Variants in BCL2L13 observed in about 807,000 individuals in gnomAD.
BCL2L13 encodes the protein BCL2 like 13, also known as bcl-2-like protein 13.
Under a neutral mutation model 25.8 loss-of-function variants are expected in BCL2L13, and 13 were observed. The ratio of observed to expected loss-of-function variants is 0.50; its 90% CI spans 0.33 to 0.80. The LOEUF is 0.80. BCL2L13 is among the 30% of genes least tolerant of loss of function. BCL2L13 has a pLI of 0.02. For synonymous variants in BCL2L13, 244 were observed against 230.3 expected (o/e 1.06, Z -0.54); for missense variants, 504 against 574.9 (o/e 0.88, Z 1.26).
At chr22:17,697,924 G>C (rs2060312292) in intron 5 of BCL2L13, among the ~76,000 whole-genome samples, 1 of 152,002 alleles carries the variant, frequency 6.6e-6, no homozygotes, top group Non-Finnish European at 1.5e-5. Flanking sequence ...CGCCTCCCAG[G>C]TTCAAGCGAT....
chr22:17,642,569 A>G (rs2039596475), intron 1 of BCL2L13, among the ~76,000 whole-genome samples: 1 of 151,670 alleles, frequency 6.6e-6, no homozygotes, highest in Non-Finnish European at 1.5e-5. Flanking sequence ...GTGTGGACAT[A>G]CCACATTTTA....
chr22:17,640,775 G>A (rs555614989), intron 1 of BCL2L13, among the ~76,000 whole-genome samples: 189 of 151,950 alleles, frequency 1.2e-3, no homozygotes, highest in African/African-American at 4.3e-3. Context: ...GACTGCTTGA[G>A]CCCGGGAGAT....
intron 6 of BCL2L13, among the ~76,000 whole-genome samples, chr22:17,715,511 A>G (rs779053853): frequency 4.6e-5 from 7 of 152,046 alleles, no homozygotes; most frequent in Non-Finnish European, 7.4e-5. Flanking sequence ...ATAACATTAT[A>G]TTAATATAAT....
intron 5 of BCL2L13, among the ~76,000 whole-genome samples, chr22:17,697,065 G>C (rs2060286200): frequency 6.6e-6 from 1 of 151,778 alleles, no homozygotes. Flanking sequence ...TGTATATTAG[G>C]TACATAACCA....
intron 2 of BCL2L13, among the ~76,000 whole-genome samples, chr22:17,664,852 G>A (rs2059187311): frequency 6.6e-6 from 1 of 152,206 alleles, no homozygotes; most frequent in Admixed American, 6.6e-5. Flanking sequence ...GGGATGCAGG[G>A]CACCAAGTCC....
chr22:17,648,045 G>A (rs1004014789), intron 1 of BCL2L13, among the ~76,000 whole-genome samples: 1 of 151,698 alleles, frequency 6.6e-6, no homozygotes, highest in African/African-American at 2.4e-5. Context: ...TAGGAGAATC[G>A]CTTGAACCCA....
At chr22:17,704,412 C>T (rs538600081) in intron 6 of BCL2L13, among the ~76,000 whole-genome samples, 15 of 152,030 alleles carry the variant, frequency 9.9e-5, no homozygotes, top group African/African-American at 3.6e-4. Context: ...TGTGTTTTAT[C>T]TCTAAATTTG....
chr22:17,687,824 T>G (rs951362635), intron 3 of BCL2L13, among the ~76,000 whole-genome samples: 16 of 149,564 alleles, frequency 1.1e-4, no homozygotes, highest in African/African-American at 3.9e-4. Flanking sequence ...GCCCCTTTTT[T>G]TTTTTTTTTT....
rs537031800 is a variant in BCL2L13 at position 17,655,940 on chromosome 22, C to T, written c.121+108C>T. The T allele has an allele frequency of 5.2e-6, 6 of 1,159,296 alleles. No homozygotes were observed. The South Asian group carries it at 5.7e-5, about 11-fold the overall frequency. 71.8% of individuals were successfully genotyped at this position (1,159,296 alleles called of 1,614,324 possible). A position where few individuals can be genotyped will look rare whatever the true frequency, so the allele number is the denominator to read the frequency against. On this transcript the variant is annotated intron_variant, in intron 2 of 6. Coordinates refer to ENST00000317582, the MANE Select transcript of BCL2L13 (RefSeq NM_015367.4). ...GTGGTTATCAAATAGTACTAATAAG[C>T]CTGTAAGAATAACCTGTTAGGGCTG...
intron 6 of BCL2L13, among the ~76,000 whole-genome samples, chr22:17,717,743 C>T (rs2060988488): frequency 6.6e-6 from 1 of 152,016 alleles, no homozygotes; most frequent in African/African-American, 2.4e-5. Context: ...TTTATATCAT[C>T]CAAGTTGGAT....
intron 6 of BCL2L13, 84 bp from the exon 7 acceptor site, chr22:17,726,593 A>T: frequency 6.9e-7 from 1 of 1,455,656 alleles, no homozygotes; most frequent in Non-Finnish European, 9.3e-7. Context: ...ACTTCAGTTT[A>T]GGAAAGAATT....
At chr22:17,712,161 T>G (rs963169014) in intron 6 of BCL2L13, among the ~76,000 whole-genome samples, 2 of 152,196 alleles carry the variant, frequency 1.3e-5, no homozygotes, top group African/African-American at 4.8e-5. Context: ...TTTGATAAAA[T>G]TGGATGATCT....
intron 2 of BCL2L13, among the ~76,000 whole-genome samples, chr22:17,664,186 A>T (rs2059161062): frequency 6.6e-6 from 1 of 151,074 alleles, no homozygotes; most frequent in South Asian, 2.1e-4. Flanking sequence ...GGGTTTCACC[A>T]TCTTGGCCGG....
intron 1 of BCL2L13, among the ~76,000 whole-genome samples, chr22:17,644,478 C>T (rs566773916): frequency 1.3e-5 from 2 of 150,792 alleles, no homozygotes; most frequent in East Asian, 2.0e-4. Context: ...ACTACAAGTG[C>T]GTGCCACCAC....
intron 2 of BCL2L13, among the ~76,000 whole-genome samples, chr22:17,679,087 C>G (rs576582647): frequency 6.6e-6 from 1 of 152,190 alleles, no homozygotes; most frequent in East Asian, 1.9e-4. Flanking sequence ...TCTGGGTGTT[C>G]AGGTAAGTCT....
At chr22:17,710,891 T>TA (rs955848658) in intron 6 of BCL2L13, among the ~76,000 whole-genome samples, 21 of 149,300 alleles carry the variant, frequency 1.4e-4, no homozygotes, top group Admixed American at 4.0e-4. Flanking sequence ...AAAATAAAAA[T>TA]AAAAAAAAAT....
chr22:17,719,827 C>CAAAAAA (rs60474373), intron 6 of BCL2L13, among the ~76,000 whole-genome samples: 36 of 91,048 alleles, frequency 4.0e-4, no homozygotes, highest in African/African-American at 6.7e-4. Context: ...GACTCCATCT[C>CAAAAAA]AAAAAAAAAA....
At position 17,629,698 on chromosome 22, in the gene BCL2L13, CTT is replaced by C. The variant is rs1324564018; in HGVS notation, c.-650+697_-650+698del. ...TATGGTTACCCACCATTTTTATTAG[CTT>C]TTTATCTTGAAGAAATTTGAGATAT... is the stretch of plus-strand genomic sequence containing the variant. On this transcript the variant is annotated intron_variant, in intron 1 of 6. Coordinates refer to the BCL2L13 transcript ENST00000399782. Among the ~76,000 whole-genome samples the C allele has an allele frequency of 2.0e-5, 3 of 152,144 alleles. No individual in the cohort carries two copies. The East Asian group carries it at 5.8e-4, about 29-fold the overall frequency.
chr22:17,693,387 T>TGG (rs1248994608), intron 4 of BCL2L13, among the ~76,000 whole-genome samples: 2 of 135,954 alleles, frequency 1.5e-5, no homozygotes, highest in African/African-American at 5.5e-5. Flanking sequence ...TTTTTTTTTT[T>TGG]TTTTTTTTTG....
Sources: allele counts gnomAD v4.1 joint callset (sites outside exome capture counted in the v4.1 genomes callset), GRCh38; gene constraint gnomAD v4.1.1; transcripts MANE v1.5; gene names NCBI Gene and HGNC (gene_info 2026-07-23, HGNC 2026-07-21).